Variants in POR observed in about 807,000 individuals in gnomAD.
The protein encoded by POR is cytochrome p450 oxidoreductase.
A neutral mutation model predicts 84.0 loss-of-function variants in POR; 56 were observed. The ratio of observed to expected loss-of-function variants is 0.67; its 90% confidence interval spans 0.54 to 0.83. POR has a LOEUF of 0.83. Among genes scored for constraint, POR ranks in the 40% least tolerant of loss-of-function variants. POR has a pLI of 0.00. For missense variants in POR, 938 were observed against 944.3 expected, an observed-to-expected ratio of 0.99 and a Z score of 0.09; for synonymous variants, 414 against 400.5, an observed-to-expected ratio of 1.03 and a Z score of -0.40.
intron 1 of POR, among the ~76,000 whole-genome samples, chr7:75,935,618 CTTGTGT>C (rs1229898697): frequency 1.3e-4 from 14 of 107,620 alleles, no homozygotes; most frequent in Admixed American, 2.0e-4. Flanking sequence ...CTGCTCGGGG[CTTGTGT>C]GTGTGTGTGT....
At chr7:75,983,351 A>G (rs76235276) in intron 8 of POR, 169 bp from the exon 9 acceptor site, 2 of 568,752 alleles carry the variant, frequency 3.5e-6, no homozygotes, top group East Asian at 5.9e-5. Flanking sequence ...AAAAAAAAAA[A>G]AGAGAACTGC....
At chr7:75,957,335 C>G (rs1351009439) in intron 2 of POR, among the ~76,000 whole-genome samples, 4 of 152,208 alleles carry the variant, frequency 2.6e-5, no homozygotes, top group Non-Finnish European at 5.9e-5. Flanking sequence ...GGCAGATCAG[C>G]TGGAATCCAG....
chr7:75,941,327 C>T (rs1009958684), intron 1 of POR, among the ~76,000 whole-genome samples: 2 of 152,224 alleles, frequency 1.3e-5, no homozygotes, highest in Non-Finnish European at 2.9e-5. Context: ...GGACTCGAGA[C>T]AGCATGGACA....
chr7:75,960,282 C>A (rs1787880267), intron 2 of POR, among the ~76,000 whole-genome samples: 1 of 151,128 alleles, frequency 6.6e-6, no homozygotes, highest in South Asian at 2.1e-4. Context: ...CAGAGCAAGA[C>A]CCCCTCTCAA....
intron 4 of POR, 29 bp from the exon 5 acceptor site, chr7:75,980,310 G>T (rs199911408): frequency 6.2e-7 from 1 of 1,602,954 alleles, no homozygotes; most frequent in Non-Finnish European, 8.5e-7. Context: ...AGTCATGGCC[G>T]GGGCGCGGTC....
rs1554559583 is a variant in POR at position 75,986,576 on chromosome 7, T to G, written c.*95T>G. 6.8e-7 allele frequency: 1 copy of G among 1,463,860 alleles called. No individual in the cohort carries two copies. The highest frequency in any genetic ancestry group is 1.4e-5 in the African/African-American group (1 of 71,756). 90.7% of individuals were successfully genotyped at this position (1,463,860 alleles called of 1,614,324 possible). ...CTCCTGGGTGTGTTTGGCTTGGCCT[T>G]GGCATGGGCGCAGGCCCAGTGACAA... On this transcript the variant is annotated 3_prime_UTR_variant, in exon 16 of 16. Transcript: ENST00000461988.
chr7:75,957,218 T>G (rs4728533), intron 2 of POR, among the ~76,000 whole-genome samples: 2 of 151,906 alleles, frequency 1.3e-5, no homozygotes, highest in African/African-American at 4.8e-5. Context: ...GGAATTGGTG[T>G]GGGGATCAGA....
At position 75,972,170 on chromosome 7, in the gene POR, G is replaced by A. The variant is rs568857353; in HGVS notation, c.189-243G>A. Reference sequence around the variant, plus strand: ...TTTGCAAAGCACTGGTGTCGCAAGAGGCTTTACTGTAGGGGAAATGGGAAG... The same window carrying A: ...TTTGCAAAGCACTGGTGTCGCAAGAAGCTTTACTGTAGGGGAAATGGGAAG... On this transcript the variant is annotated intron_variant, in intron 2 of 15. Transcript: ENST00000461988. Among the ~76,000 whole-genome samples the A allele has an allele frequency of 6.6e-5, 10 of 152,302 alleles. 1 individual carries two copies. The South Asian group carries it at 1.7e-3, about 25-fold the overall frequency.
chr7:75,952,820 C>G (rs1300812459), intron 1 of POR, among the ~76,000 whole-genome samples: 1 of 150,966 alleles, frequency 6.6e-6, no homozygotes, highest in Non-Finnish European at 1.5e-5. Context: ...CGGGCAGAGA[C>G]GCTCCTCACT....
chr7:75,950,664 A>G (rs1231454502), intron 1 of POR, among the ~76,000 whole-genome samples: 1 of 152,238 alleles, frequency 6.6e-6, no homozygotes, highest in Non-Finnish European at 1.5e-5. Context: ...CTTGACAGAG[A>G]TCCTGATATG....
In POR at chr7:75,986,667, G is replaced by A; in HGVS notation, c.*186G>A. The A allele has an allele frequency of 2.7e-6, 2 of 728,292 alleles. No individual in the cohort carries two copies. The highest frequency in any genetic ancestry group is 4.4e-6 in the Non-Finnish European group (2 of 453,330). 45.1% of individuals were successfully genotyped at this position (728,292 alleles called of 1,614,324 possible). A position where few individuals can be genotyped will look rare whatever the true frequency, so the allele number is the denominator to read the frequency against. On this transcript the variant is annotated 3_prime_UTR_variant, in exon 16 of 16. Transcript: ENST00000461988. ...GGCCAGGTGAGGTCCACCGGCCCCT[G>A]GCAGCACAGCCCAGGGCCTGCATGG...
intron 2 of POR, among the ~76,000 whole-genome samples, chr7:75,959,782 A>C (rs1251819913): frequency 6.6e-6 from 1 of 152,194 alleles, no homozygotes; most frequent in Non-Finnish European, 1.5e-5. Flanking sequence ...CAAAAAACCC[A>C]GTGGGATTTT....
At chr7:75,923,067 A>G in intron 1 of POR, 1 of 687,984 alleles carries the variant, frequency 1.5e-6, no homozygotes, top group Admixed American at 2.0e-5. Flanking sequence ...TGGTGCGGAG[A>G]GCCATTGCAA....
chr7:75,961,709 C>CA (rs1554554550), intron 2 of POR, among the ~76,000 whole-genome samples: 2 of 152,200 alleles, frequency 1.3e-5, no homozygotes, highest in Non-Finnish European at 2.9e-5. Context: ...GGAAATGTTT[C>CA]AGTCCTCTAA....
intron 2 of POR, among the ~76,000 whole-genome samples, chr7:75,956,683 G>C (rs1787701342): frequency 6.6e-6 from 1 of 152,102 alleles, no homozygotes. Flanking sequence ...CAGGACCACA[G>C]AGCCAGCATT....
intron 10 of POR, 78 bp from the exon 11 acceptor site, chr7:75,984,699 G>GT: frequency 7.6e-7 from 1 of 1,317,586 alleles, no homozygotes; most frequent in Non-Finnish European, 1.1e-6. Context: ...GGCCCAAGGT[G>GT]TCACCCCCTC....
At chr7:75,918,784 A>C (rs1806704603) in intron 1 of POR, 1 of 152,090 alleles carries the variant, frequency 6.6e-6, no homozygotes, top group African/African-American at 2.4e-5. Context: ...GCAGGGCTCC[A>C]GGGGAGAGGT....
chr7:75,960,042 A>G (rs1429910681), intron 2 of POR, among the ~76,000 whole-genome samples: 2 of 151,972 alleles, frequency 1.3e-5, no homozygotes, highest in Non-Finnish European at 2.9e-5. Context: ...GGAATCCCAC[A>G]CTTCAGGAGG....
At chr7:75,961,898 C>T (rs1257996232) in intron 2 of POR, among the ~76,000 whole-genome samples, 7 of 152,038 alleles carry the variant, frequency 4.6e-5, no homozygotes, top group Non-Finnish European at 8.8e-5. Context: ...CCTGTGGTCC[C>T]AGTTACTCAG....
Sources: allele counts gnomAD v4.1 joint callset (sites outside exome capture counted in the v4.1 genomes callset), GRCh38; gene constraint gnomAD v4.1.1; transcripts MANE v1.5; gene names NCBI Gene and HGNC (gene_info 2026-07-23, HGNC 2026-07-21).